ERAP1: variants seen among roughly 807,000 people sequenced by gnomAD.
The protein encoded by ERAP1 is endoplasmic reticulum aminopeptidase 1, also known as adipocyte-derived leucine aminopeptidase.
Under a neutral mutation model 103.7 loss-of-function variants are expected in ERAP1, and 86 were observed. The ratio of observed to expected loss-of-function variants is 0.83; its 90% CI spans 0.70 to 0.99. The LOEUF is 0.99. ERAP1 is among the 50% of genes least tolerant of loss of function. The pLI, the probability that ERAP1 is intolerant of heterozygous loss-of-function variation, is 0.00. For missense variants in ERAP1, 1,009 were observed against 1,128.4 expected, an observed-to-expected ratio of 0.89 and a Z score of 1.52; for synonymous variants, 398 against 402.4, an observed-to-expected ratio of 0.99 and a Z score of 0.13.
At chr5:96,830,875 CA>C in the ERAP1 span, among the ~76,000 whole-genome samples, 23 of 152,262 alleles carry the variant, frequency 1.5e-4, no homozygotes, top group African/African-American at 5.5e-4. Flanking sequence ...TCAGTACACA[CA>C]AGGGATTAGT....
At chr5:96,771,776 T>G (rs1044858479), downstream of ERAP1, 54 of 886,206 alleles carry the variant, frequency 6.1e-5, no homozygotes, top group Admixed American at 2.3e-4. Flanking sequence ...ATGAGAGAAG[T>G]GAAGTCCACC....
At chr5:96,778,990 T>C (rs1774763527) in intron 18 of ERAP1, among the ~76,000 whole-genome samples, 1 of 152,198 alleles carries the variant, frequency 6.6e-6, no homozygotes, top group South Asian at 2.1e-4. Flanking sequence ...TCGCACCTGA[T>C]ATTTCCTCTG....
At chr5:96,928,020 C>T in the ERAP1 span, among the ~76,000 whole-genome samples, 11 of 152,136 alleles carry the variant, frequency 7.2e-5, no homozygotes, top group East Asian at 5.8e-4. Context: ...ATTCTCATGC[C>T]TCAGCCTATT....
chr5:96,803,545 G>C lies in ERAP1; in HGVS notation c.382C>G (p.Gln128Glu). Residue 128 changes from glutamine to glutamate, a missense_variant, in exon 2 of 19, where the codon CAG (glutamine) becomes GAG (glutamate). Coordinates refer to ENST00000443439, the MANE Select transcript of ERAP1 (RefSeq NM_001040458.3). ...EPLQVLEHPR[Q>E]EQIALLAPEP... ...GGAGCCAGCAGTGCAATTTGCTCCT[G>C]ACGGGGGTGTTCCAGGACCTGCAGG... is the stretch of plus-strand genomic sequence containing the variant. 6.2e-7 allele frequency: 1 copy of C among 1,613,704 alleles called. No individual in the cohort carries two copies. The highest frequency in any genetic ancestry group is 8.5e-7 in the Non-Finnish European group (1 of 1,179,626).
intron 2 of ERAP1, 146 bp downstream of exon 2, chr5:96,803,257 A>G (rs771423191): frequency 3.9e-6 from 3 of 763,256 alleles, no homozygotes; most frequent in Non-Finnish European, 6.2e-6. Flanking sequence ...GGAAAAAGCC[A>G]TTTTTAACAC....
the ERAP1 span, chr5:96,881,237 A>G: frequency 5.5e-6 from 2 of 365,570 alleles, no homozygotes; most frequent in African/African-American, 2.1e-5. Context: ...AGGGTATGTT[A>G]TAGAGAAGCA....
the ERAP1 span, among the ~76,000 whole-genome samples, chr5:96,815,881 T>A: frequency 6.6e-6 from 1 of 152,016 alleles, no homozygotes; most frequent in African/African-American, 2.4e-5. Context: ...TCTTGAGAGA[T>A]AAATAGACAC....
the ERAP1 span, chr5:96,880,339 T>C: frequency 7.9e-7 from 1 of 1,262,562 alleles, no homozygotes; most frequent in Non-Finnish European, 1.1e-6. Flanking sequence ...GGAGCAGACT[T>C]CAGCAGCCAT....
At chr5:96,801,679 C>CA (rs997508344) in intron 2 of ERAP1, among the ~76,000 whole-genome samples, 2 of 151,274 alleles carry the variant, frequency 1.3e-5, no homozygotes, top group Non-Finnish European at 2.9e-5. Context: ...TGGTGAAACC[C>CA]CATCTCTACT....
At chr5:96,896,966 T>G in the ERAP1 span, 1 of 441,104 alleles carries the variant, frequency 2.3e-6, no homozygotes, top group Non-Finnish European at 3.0e-6. Context: ...TCAACCATAT[T>G]TATTCTGCTT....
intron 13 of ERAP1, 138 bp downstream of exon 13, chr5:96,785,650 G>C: frequency 2.3e-6 from 2 of 865,862 alleles, no homozygotes; most frequent in South Asian, 2.9e-5. Flanking sequence ...AGCAATCTTG[G>C]GTTGTTAGAA....
chr5:96,807,710 C>A, intron 1 of ERAP1, 150 bp downstream of exon 1: 1 of 532,258 alleles, frequency 1.9e-6, no homozygotes, highest in Non-Finnish European at 2.4e-6. Flanking sequence ...CGCCTTCCTC[C>A]CGCGCCCCGT....
At chr5:96,909,751 A>G in the ERAP1 span, 13 of 1,614,036 alleles carry the variant, frequency 8.1e-6, no homozygotes, top group Non-Finnish European at 1.0e-5. Context: ...GATGGAATCC[A>G]GTGGAAAATT....
At chr5:96,890,565 G>T in the ERAP1 span, among the ~76,000 whole-genome samples, 1 of 152,092 alleles carries the variant, frequency 6.6e-6, no homozygotes, top group South Asian at 2.1e-4. Flanking sequence ...TTAGTGCTTG[G>T]GGTTTCTGAC....
At chr5:96,806,286 G>GT (rs1284095963) in intron 1 of ERAP1, among the ~76,000 whole-genome samples, 1 of 151,878 alleles carries the variant, frequency 6.6e-6, no homozygotes, top group Non-Finnish European at 1.5e-5. Flanking sequence ...AAGGGAGGCA[G>GT]TTAAAAAAAA....
chr5:96,770,909 T>TG (rs1296061840), downstream of ERAP1, among the ~76,000 whole-genome samples: 1 of 152,160 alleles, frequency 6.6e-6, no homozygotes, highest in Non-Finnish European at 1.5e-5. Context: ...TTTTAGAACA[T>TG]GGAAGTTGGA....
Position 96,803,660 on chromosome 5 carries a change from G to A in ERAP1, c.267C>T (p.Pro89=). The change falls in exon 2 of 19, where the codon CCC becomes CCT. Residue 89 remains proline, a synonymous_variant. Coordinates refer to ENST00000443439, the MANE Select transcript of ERAP1 (RefSeq NM_001040458.3). ...TTKVEITASQ[P]TSTIILHSHH... is the part of the protein sequence containing the mutation. The stretch of plus-strand genomic sequence containing the variant: ...GACTATGCAGGATGATGGTGCTGGT[G>A]GGCTGACTGGCTGTGATTTCTACTT... The A allele has an allele frequency of 6.2e-7, 1 of 1,614,204 alleles. No homozygotes were observed. The highest frequency in any genetic ancestry group is 8.5e-7 in the Non-Finnish European group (1 of 1,180,032).
the ERAP1 span, among the ~76,000 whole-genome samples, chr5:96,933,531 A>G: frequency 6.6e-6 from 1 of 152,350 alleles, no homozygotes; most frequent in Non-Finnish European, 1.5e-5. Flanking sequence ...AATCTCAAAA[A>G]GACATAATGA....
the ERAP1 span, among the ~76,000 whole-genome samples, chr5:96,933,649 T>A: frequency 1.3e-5 from 2 of 152,228 alleles, no homozygotes; most frequent in African/African-American, 4.8e-5. Flanking sequence ...CATGATAGAC[T>A]GTAGGTTACA....
Sources: gnomAD v4.1 joint callset for allele counts (sites outside exome capture counted in the v4.1 genomes callset) on GRCh38, gnomAD v4.1.1 for gene constraint, MANE v1.5 for transcripts, NCBI Gene and HGNC (gene_info 2026-07-23, HGNC 2026-07-21) for gene names.